The following DPYSL3 variants were observed in gnomAD, a reference collection of about 807,000 sequenced individuals.
The protein encoded by DPYSL3 is dihydropyrimidinase-related protein 3.
DPYSL3 carries 16 observed loss-of-function variants against 66.1 expected under a neutral mutation model. That is an observed-to-expected ratio of 0.24 (90% CI 0.16 to 0.37). The LOEUF is 0.37. Among genes scored for constraint, DPYSL3 ranks in the 10% least tolerant of loss-of-function variants. The probability of loss-of-function intolerance (pLI) is 1.00; values close to 1 mark genes in which losing one functional copy is unlikely to be tolerated. For missense variants in DPYSL3, 738 were observed against 916.2 expected, an observed-to-expected ratio of 0.81 and a Z score of 2.51; for synonymous variants, 338 against 345.1, an observed-to-expected ratio of 0.98 and a Z score of 0.23.
In DPYSL3 at chr5:147,423,839, G is replaced by T. The variant is rs117923360; in HGVS notation, c.470+1036C>A. Among the ~76,000 whole-genome samples the T allele has an allele frequency of 6.9e-3, 1,043 of 152,196 alleles. 24 individuals carry two copies. Among genetic ancestry groups the T allele is most frequent in the Admixed American group, 0.048 (737 of 15,284 alleles). ...GGGTTCAAGTGATTCCCTTGCCTCA[G>T]GTCCCTGAGTAGCTGGGACTGCAGG... On this transcript the variant is annotated intron_variant, in intron 2 of 13. Transcript: ENST00000343218.
intron 7 of DPYSL3, 61 bp from the exon 8 acceptor site, chr5:147,405,791 A>C: frequency 6.4e-7 from 1 of 1,560,098 alleles, no homozygotes; most frequent in Non-Finnish European, 8.6e-7. Context: ...GGTGGCTCCC[A>C]CCTCCACGAA....
At chr5:147,403,466 C>T (rs1378528252) in intron 8 of DPYSL3, among the ~76,000 whole-genome samples, 1 of 152,044 alleles carries the variant, frequency 6.6e-6, no homozygotes, top group Non-Finnish European at 1.5e-5. Context: ...GCTGGGAGAT[C>T]CTGGACAAGT....
At chr5:147,505,426 G>C (rs1753673956) in intron 1 of DPYSL3, among the ~76,000 whole-genome samples, 1 of 152,080 alleles carries the variant, frequency 6.6e-6, no homozygotes, top group South Asian at 2.1e-4. Context: ...GTAGAGACGG[G>C]GGTTTCACCA....
intron 1 of DPYSL3, among the ~76,000 whole-genome samples, chr5:147,476,096 T>C (rs1391317037): frequency 6.6e-6 from 1 of 152,146 alleles, no homozygotes; most frequent in Non-Finnish European, 1.5e-5. Flanking sequence ...CAAACTCATA[T>C]AGCAAGTAAG....
chr5:147,457,149 A>G lies in DPYSL3; in HGVS notation c.382-32186T>C, dbSNP rs1327929888. 2.6e-5 allele frequency among the ~76,000 whole-genome samples: 4 copies of G among 152,134 alleles called. No individual in the cohort carries two copies. The East Asian group carries it at 7.7e-4, about 29-fold the overall frequency. ...TGGAGGTGAATAATAAGTCCCAAAT[A>G]TCATGGAGTTTACTTCGTATTCTTC... On this transcript the variant is annotated intron_variant, in intron 1 of 13. Transcript: ENST00000343218.
At chr5:147,447,435 A>AAT (rs1752648082) in intron 1 of DPYSL3, among the ~76,000 whole-genome samples, 1 of 152,202 alleles carries the variant, frequency 6.6e-6, no homozygotes, top group Non-Finnish European at 1.5e-5. Context: ...AAGGAGTCTG[A>AAT]AAATACAGGA....
At chr5:147,458,984 ATTT>A (rs61178145) in intron 1 of DPYSL3, among the ~76,000 whole-genome samples, 11 of 138,402 alleles carry the variant, frequency 7.9e-5, no homozygotes, top group African/African-American at 1.1e-4. Flanking sequence ...TAATATTTTG[ATTT>A]TTTTTTTTTT....
At chr5:147,476,217 T>C (rs1753152227) in intron 1 of DPYSL3, among the ~76,000 whole-genome samples, 2 of 152,066 alleles carry the variant, frequency 1.3e-5, no homozygotes, top group Admixed American at 6.6e-5. Context: ...AAATGAAAAA[T>C]TAAGTCCCAA....
chr5:147,493,891 G>A (rs1410013808), intron 1 of DPYSL3, among the ~76,000 whole-genome samples: 1 of 152,092 alleles, frequency 6.6e-6, no homozygotes, highest in African/African-American at 2.4e-5. Context: ...CCAAATACGT[G>A]GATATTAAAC....
At chr5:147,402,127 G>A (rs1035719710) in intron 8 of DPYSL3, 1 of 160,066 alleles carries the variant, frequency 6.2e-6, no homozygotes, top group African/African-American at 2.4e-5. Flanking sequence ...TCTTAGGCTT[G>A]TGAAAATGAA....
At chr5:147,423,752 ACCCAG>A (rs1752134097) in intron 2 of DPYSL3, among the ~76,000 whole-genome samples, 1 of 152,156 alleles carries the variant, frequency 6.6e-6, no homozygotes, top group Admixed American at 6.5e-5. Context: ...TAGCTCTGTC[ACCCAG>A]GGTGGAGTGC....
intron 1 of DPYSL3, among the ~76,000 whole-genome samples, chr5:147,450,658 G>A (rs1452888629): frequency 1.3e-5 from 2 of 152,168 alleles, no homozygotes; most frequent in Non-Finnish European, 2.9e-5. Flanking sequence ...AGGATAGTAA[G>A]AATGCCTTAA....
At chr5:147,478,662 C>A (rs1483770411) in intron 1 of DPYSL3, among the ~76,000 whole-genome samples, 2 of 152,164 alleles carry the variant, frequency 1.3e-5, no homozygotes, top group Non-Finnish European at 2.9e-5. Context: ...CTCTGCCCCC[C>A]ACACACACCA....
Position 147,509,493 on chromosome 5 carries a change from G to A in DPYSL3, c.366C>T (p.Leu122=), listed in dbSNP as rs770564401. 4 of 1,526,536 alleles carry A rather than the reference G, an allele frequency of 2.6e-6. No homozygotes were observed. The South Asian group carries it at 3.6e-5, about 14-fold the overall frequency. 94.6% of individuals were successfully genotyped at this position (1,526,536 alleles called of 1,614,324 possible). ...GCCCCCTTACCTTGTCCTTGGGGCC[G>A]AGGTTCTGCAACACCTCTTTGCCGG... ...SATGKEVLQN[L]GPKDKSDRLL... is the part of the protein sequence containing the mutation. Residue 122 remains leucine, a synonymous_variant, in exon 1 of 14, where the codon CTC becomes CTT. Coordinates refer to ENST00000343218, the MANE Select transcript of DPYSL3 (RefSeq NM_001197294.2). The surrounding 1 kb of genome is among the most constrained non-coding windows in gnomAD (Gnocchi z 5.3).
At chr5:147,488,307 G>A (rs543397895) in intron 1 of DPYSL3, among the ~76,000 whole-genome samples, 50 of 152,310 alleles carry the variant, frequency 3.3e-4, no homozygotes, top group Non-Finnish European at 6.2e-4. Flanking sequence ...TTTGGACAGC[G>A]TGTTGACAGC....
chr5:147,475,224 T>C (rs1350544140), intron 1 of DPYSL3, among the ~76,000 whole-genome samples: 2 of 152,126 alleles, frequency 1.3e-5, no homozygotes, highest in Non-Finnish European at 2.9e-5. Context: ...ATTGGTGATA[T>C]CTGAATAAGG....
intron 6 of DPYSL3, among the ~76,000 whole-genome samples, chr5:147,409,577 T>C (rs776373859): frequency 3.9e-5 from 6 of 152,242 alleles, no homozygotes; most frequent in African/African-American, 4.8e-5. Context: ...TTGTGGTTGA[T>C]GGCAAAATTC....
Position 147,474,776 on chromosome 5 carries a change from T to C in DPYSL3, c.381+34702A>G, listed in dbSNP as rs549997110. 3.4e-4 allele frequency among the ~76,000 whole-genome samples: 52 copies of C among 152,212 alleles called. No homozygotes were observed. In the South Asian group the frequency reaches 9.5e-3, roughly 28 times the overall value. On this transcript the variant is annotated intron_variant, in intron 1 of 13. Coordinates refer to ENST00000343218, the MANE Select transcript of DPYSL3 (RefSeq NM_001197294.2). ...ATGTAATAGCCTTTTTTAAAACACT[T>C]TGTTGAGATATAACAATACCATACA...
At position 147,509,334 on chromosome 5, in the gene DPYSL3, C is replaced by T; in HGVS notation, c.381+144G>A. On this transcript the variant is annotated intron_variant, in intron 1 of 13. Transcript: ENST00000343218. The surrounding 1 kb of genome is among the most constrained non-coding windows in gnomAD (Gnocchi z 5.3). ...GGGTCTGGGCTAGGAAGTCGCGCTA[C>T]GCTCAGTGGAGGATGACCCTTTCCT... The T allele has an allele frequency of 8.7e-7, 1 of 1,155,556 alleles. No individual in the cohort carries two copies. The highest frequency in any genetic ancestry group is 1.2e-6 in the Non-Finnish European group (1 of 851,734). 71.6% of individuals were successfully genotyped at this position (1,155,556 alleles called of 1,614,324 possible).
Sources: gnomAD v4.1 joint callset for allele counts (sites outside exome capture counted in the v4.1 genomes callset) on GRCh38, gnomAD v4.1.1 for gene constraint, Gnocchi (gnomAD v3.1) non-coding constraint, MANE v1.5 for transcripts, NCBI Gene and HGNC (gene_info 2026-07-23, HGNC 2026-07-21) for gene names.